Variants in SNTG2 observed in about 807,000 individuals in gnomAD.
SNTG2 encodes the protein gamma-2-syntrophin.
A neutral mutation model predicts 70.9 loss-of-function variants in SNTG2; 74 were observed. That is an observed-to-expected ratio of 1.04 (90% confidence interval 0.86 to 1.27). The LOEUF (loss-of-function observed/expected upper bound fraction) is 1.27. SNTG2 is among the 50% of genes most tolerant of loss of function. The probability of loss-of-function intolerance (pLI) is 0.00; values close to 1 mark genes in which losing one functional copy is unlikely to be tolerated. For synonymous variants in SNTG2, 278 were observed against 273.8 expected (o/e 1.02, Z -0.15); for missense variants, 717 against 690.7 (o/e 1.04, Z -0.43).
intron 4 of SNTG2, among the ~76,000 whole-genome samples, chr2:1,109,970 AGGGC>A (rs1377083582): frequency 1.3e-5 from 2 of 152,208 alleles, no homozygotes; most frequent in African/African-American, 4.8e-5. Flanking sequence ...CCTGAGCTGA[AGGGC>A]GGGTTCTTAC....
chr2:1,144,627 G>A (rs576718450), intron 6 of SNTG2, among the ~76,000 whole-genome samples: 10 of 152,256 alleles, frequency 6.6e-5, no homozygotes, highest in African/African-American at 2.4e-4. Flanking sequence ...GGTGGAAGGC[G>A]AAAGGCACAT....
intron 11 of SNTG2, 149 bp from the exon 12 acceptor site, chr2:1,247,178 T>C: frequency 1.7e-6 from 1 of 580,298 alleles, no homozygotes. Context: ...GAACTTGATT[T>C]GGAAACTTGG....
chr2:1,273,165 C>T (rs1235011189), intron 14 of SNTG2, among the ~76,000 whole-genome samples: 1 of 152,166 alleles, frequency 6.6e-6, no homozygotes, highest in Non-Finnish European at 1.5e-5. Context: ...TGTCATCCTT[C>T]CACACAGCTC....
At chr2:1,265,639 T>C (rs1384684833) in intron 13 of SNTG2, among the ~76,000 whole-genome samples, 2 of 152,186 alleles carry the variant, frequency 1.3e-5, no homozygotes, top group Admixed American at 1.3e-4. Flanking sequence ...CTAGAGTGCA[T>C]GTGTCAGCAT....
chr2:1,008,592 G>A (rs563516569), intron 1 of SNTG2, among the ~76,000 whole-genome samples: 2 of 151,910 alleles, frequency 1.3e-5, no homozygotes, highest in African/African-American at 2.4e-5. Context: ...TCATCAAACC[G>A]TTTTTATTAT....
chr2:1,098,089 A>T (rs1665512139), intron 2 of SNTG2, 107 bp from the exon 3 acceptor site: 2 of 1,258,848 alleles, frequency 1.6e-6, no homozygotes, highest in Admixed American at 3.8e-5. Context: ...TGCTTTGGAA[A>T]TATAATTTAA....
At chr2:1,300,343 T>C (rs1572943837) in intron 14 of SNTG2, among the ~76,000 whole-genome samples, 2 of 152,250 alleles carry the variant, frequency 1.3e-5, no homozygotes, top group South Asian at 4.1e-4. Flanking sequence ...TAAAGCGTTT[T>C]CTGCAGGTCT....
At chr2:1,046,135 A>C (rs2148067953) in intron 1 of SNTG2, among the ~76,000 whole-genome samples, 1 of 152,074 alleles carries the variant, frequency 6.6e-6, no homozygotes, top group African/African-American at 2.4e-5. Flanking sequence ...ATCTTCTTAG[A>C]ACGTTTTGAT....
At chr2:1,213,510 A>G (rs1674180591) in intron 9 of SNTG2, among the ~76,000 whole-genome samples, 1 of 152,180 alleles carries the variant, frequency 6.6e-6, no homozygotes, top group Non-Finnish European at 1.5e-5. Flanking sequence ...TAATAAAAAC[A>G]AGTAAGATAA....
At chr2:1,150,098 CTTAAT>C (rs1004909798) in intron 6 of SNTG2, among the ~76,000 whole-genome samples, 6 of 152,178 alleles carry the variant, frequency 3.9e-5, no homozygotes, top group African/African-American at 1.4e-4. Context: ...CGAATGGTGA[CTTAAT>C]TTAACAGCAA....
intron 16 of SNTG2, among the ~76,000 whole-genome samples, chr2:1,347,305 G>A (rs1409478309): frequency 6.6e-6 from 1 of 152,158 alleles, no homozygotes; most frequent in African/African-American, 2.4e-5. Context: ...GGATCCTGCA[G>A]GGCAGGGTCC....
At chr2:1,245,177 C>A (rs1255746453) in intron 11 of SNTG2, among the ~76,000 whole-genome samples, 1 of 148,406 alleles carries the variant, frequency 6.7e-6, no homozygotes, top group Admixed American at 6.7e-5. Context: ...TGCTAGATGA[C>A]ACGTTAGTGG....
rs760126861 is a variant in SNTG2 at position 1,237,868 on chromosome 2, A to T, written c.720-20A>T. ...CTCCCGTCGCTGCGGGGCCTCCTGGACAGCTCTCTCCCTCCCCAGGTGGAA... is the reference window on the plus strand; with the variant it reads ...CTCCCGTCGCTGCGGGGCCTCCTGGTCAGCTCTCTCCCTCCCCAGGTGGAA... On this transcript the variant is annotated intron_variant, in intron 9 of 16. Transcript: ENST00000308624. 3 of 1,590,814 alleles carry T rather than the reference A, an allele frequency of 1.9e-6. No individual in the cohort carries two copies. The South Asian group carries it at 3.4e-5, about 18-fold the overall frequency.
At chr2:1,023,718 C>T (rs1285902967) in intron 1 of SNTG2, among the ~76,000 whole-genome samples, 1 of 152,192 alleles carries the variant, frequency 6.6e-6, no homozygotes, top group African/African-American at 2.4e-5. Flanking sequence ...CACATCTGCA[C>T]CCCGCGTAGT....
At chr2:1,212,551 C>T (rs1674113993) in intron 9 of SNTG2, among the ~76,000 whole-genome samples, 1 of 152,184 alleles carries the variant, frequency 6.6e-6, no homozygotes, top group African/African-American at 2.4e-5. Flanking sequence ...TTTATAAAGG[C>T]AAATATGTCT....
At chr2:1,358,471 T>C (rs4927601) in intron 16 of SNTG2, among the ~76,000 whole-genome samples, 109,376 of 151,664 alleles carry the variant, frequency 0.72, 39,740 homozygotes, top group East Asian at 0.94. Flanking sequence ...AAATCTTTTT[T>C]AACATAGGTG....
At chr2:1,218,496 T>C (rs1229382064) in intron 9 of SNTG2, among the ~76,000 whole-genome samples, 7 of 152,202 alleles carry the variant, frequency 4.6e-5, no homozygotes, top group Admixed American at 4.6e-4. Flanking sequence ...GGATGATGGT[T>C]GGCTGTTCTT....
chr2:1,265,304 C>T (rs764616863), intron 13 of SNTG2, among the ~76,000 whole-genome samples: 2 of 152,178 alleles, frequency 1.3e-5, no homozygotes, highest in African/African-American at 2.4e-5. Flanking sequence ...ACTCAAGGCT[C>T]ATTTAGGGTT....
chr2:1,186,839 A>C (rs1677077405), intron 8 of SNTG2, among the ~76,000 whole-genome samples: 1 of 152,196 alleles, frequency 6.6e-6, no homozygotes, highest in Admixed American at 6.5e-5. Flanking sequence ...TTAAACATTA[A>C]AGAAATAAGC....
Sources: allele counts gnomAD v4.1 joint callset (sites outside exome capture counted in the v4.1 genomes callset), GRCh38; gene constraint gnomAD v4.1.1; transcripts MANE v1.5; gene names NCBI Gene and HGNC (gene_info 2026-07-23, HGNC 2026-07-21).